The following SYN3 variants were observed in gnomAD, a reference collection of about 807,000 sequenced individuals.
SYN3 encodes the protein synapsin III.
In SYN3, 35 loss-of-function variants were observed where a neutral mutation model predicts 65.8. That is an observed-to-expected ratio of 0.53 (90% confidence interval 0.41 to 0.70). SYN3 has a LOEUF of 0.70. Ranked by LOEUF, SYN3 falls within the 30% of genes least tolerant of loss-of-function variation. The pLI is 0.00. For missense variants in SYN3, 680 were observed against 749.0 expected, an observed-to-expected ratio of 0.91 and a Z score of 1.08; for synonymous variants, 270 against 292.9, an observed-to-expected ratio of 0.92 and a Z score of 0.80.
intron 7 of SYN3, among the ~76,000 whole-genome samples, chr22:32,584,386 G>A (rs776777751): frequency 6.6e-6 from 1 of 152,108 alleles, no homozygotes; most frequent in African/African-American, 2.4e-5. Context: ...ATTGGAGTGC[G>A]GTAAATTATA....
At chr22:32,686,843 C>T (rs1293618360) in intron 6 of SYN3, among the ~76,000 whole-genome samples, 1 of 152,102 alleles carries the variant, frequency 6.6e-6, no homozygotes, top group East Asian at 1.9e-4. Flanking sequence ...GATCCGCCTG[C>T]CTCAGGATCC....
At chr22:32,645,375 C>T (rs570007902) in intron 6 of SYN3, among the ~76,000 whole-genome samples, 10 of 150,950 alleles carry the variant, frequency 6.6e-5, no homozygotes, top group Middle Eastern at 3.4e-3. Context: ...CACTTGAACC[C>T]GGGAGGCAGA....
At chr22:32,972,573 C>T (rs2052052207) in intron 3 of SYN3, among the ~76,000 whole-genome samples, 1 of 152,182 alleles carries the variant, frequency 6.6e-6, no homozygotes, top group Non-Finnish European at 1.5e-5. Flanking sequence ...CAATGGGAGG[C>T]ATTCATGCAG....
In SYN3 at chr22:32,511,782, A is replaced by C. The variant is rs1894451; in HGVS notation, c.*1910T>G. 0.22 allele frequency among the ~76,000 whole-genome samples: 34,113 copies of C among 152,170 alleles called. 4,784 individuals carry two copies. The highest frequency in any genetic ancestry group is 0.38 in the South Asian group (1,837 of 4,818). On this transcript the variant is annotated 3_prime_UTR_variant, in exon 14 of 14. Coordinates refer to ENST00000358763, the MANE Select transcript of SYN3 (RefSeq NM_003490.4). ...AGTCACTGGCAATTGGACCTATCTG[A>C]TCTTTCTTATGTCAGGTCTGCTACT... is the stretch of plus-strand genomic sequence containing the variant.
At chr22:32,923,267 G>A (rs546915054) in intron 4 of SYN3, among the ~76,000 whole-genome samples, 1 of 152,332 alleles carries the variant, frequency 6.6e-6, no homozygotes, top group East Asian at 1.9e-4. Context: ...CAGGTCAAGA[G>A]AGAGAGATTT....
intron 7 of SYN3, among the ~76,000 whole-genome samples, chr22:32,547,005 G>A (rs1360497863): frequency 2.6e-5 from 4 of 151,796 alleles, no homozygotes; most frequent in African/African-American, 9.7e-5. Flanking sequence ...TTGAGACAGA[G>A]TCTCTCTCTG....
intron 6 of SYN3, among the ~76,000 whole-genome samples, chr22:32,663,884 T>C (rs895353748): frequency 2.0e-5 from 3 of 152,088 alleles, no homozygotes; most frequent in South Asian, 2.1e-4. Flanking sequence ...AAGAGAGAGA[T>C]AGTGGAAGGA....
intron 4 of SYN3, among the ~76,000 whole-genome samples, chr22:32,877,034 T>C (rs2049003017): frequency 6.6e-6 from 1 of 152,240 alleles, no homozygotes; most frequent in African/African-American, 2.4e-5. Context: ...CAGCCATAAC[T>C]AGTCATTCCC....
chr22:32,883,084 G>T (rs935551839), intron 4 of SYN3, among the ~76,000 whole-genome samples: 1 of 152,164 alleles, frequency 6.6e-6, no homozygotes, highest in Non-Finnish European at 1.5e-5. Flanking sequence ...CAATTGCAAG[G>T]AATCTAGAAG....
intron 1 of SYN3, among the ~76,000 whole-genome samples, chr22:33,013,297 C>T (rs1248929598): frequency 6.6e-6 from 1 of 152,202 alleles, no homozygotes; most frequent in Non-Finnish European, 1.5e-5. Context: ...CATGAACATG[C>T]AGACAAACAT....
chr22:32,635,542 G>A (rs539594785), intron 6 of SYN3, among the ~76,000 whole-genome samples: 2 of 152,292 alleles, frequency 1.3e-5, no homozygotes, highest in East Asian at 3.9e-4. Flanking sequence ...GACATTCTAG[G>A]ATATTAGAGC....
intron 6 of SYN3, among the ~76,000 whole-genome samples, chr22:32,599,058 G>A (rs969464441): frequency 2.0e-5 from 3 of 151,992 alleles, no homozygotes; most frequent in Non-Finnish European, 2.9e-5. Context: ...ATTATCTGCT[G>A]CTCTTTTAAA....
chr22:32,733,054 G>T (rs2061290994), intron 6 of SYN3, among the ~76,000 whole-genome samples: 1 of 152,176 alleles, frequency 6.6e-6, no homozygotes. Flanking sequence ...CCATGCCATG[G>T]TATCTTTCAA....
intron 5 of SYN3, 95 bp from the exon 6 acceptor site, chr22:32,865,099 T>C: frequency 1.0e-6 from 1 of 995,202 alleles, no homozygotes; most frequent in Non-Finnish European, 1.6e-6. Context: ...CTGACTGTTC[T>C]GAGCCGAGCT....
Position 33,027,261 on chromosome 22 carries a change from A to C in SYN3, c.-162-20437T>G, listed in dbSNP as rs185787728. The stretch of plus-strand genomic sequence containing the variant: ...ATATTCTAATTCAGGTATTAACTAG[A>C]ATCTGTCATGTAGGTATTATCATTT... On this transcript the variant is annotated intron_variant, in intron 1 of 13. Transcript: ENST00000358763. Among the ~76,000 whole-genome samples the C allele has an allele frequency of 1.6e-4, 25 of 152,246 alleles. 1 individual carries two copies. The East Asian group carries it at 4.8e-3, about 29-fold the overall frequency.
intron 6 of SYN3, among the ~76,000 whole-genome samples, chr22:32,847,374 C>G (rs1338707187): frequency 1.3e-5 from 2 of 152,194 alleles, no homozygotes; most frequent in Non-Finnish European, 2.9e-5. Flanking sequence ...GTTTTTACAG[C>G]AGACTTGGAA....
intron 6 of SYN3, among the ~76,000 whole-genome samples, chr22:32,820,597 C>T (rs1431066734): frequency 1.3e-5 from 2 of 152,156 alleles, no homozygotes; most frequent in Non-Finnish European, 2.9e-5. Flanking sequence ...GCTTAGTTGG[C>T]ACATCTTGCT....
chr22:32,569,443 CTATCTTCTCTA>C (rs1280765665), intron 7 of SYN3, among the ~76,000 whole-genome samples: 27 of 148,436 alleles, frequency 1.8e-4, no homozygotes, highest in African/African-American at 4.6e-4. Flanking sequence ...ATCTATCTAT[CTATCTTCTCTA>C]TCTATCTAAA....
At chr22:32,879,430 G>C (rs1601608001) in intron 4 of SYN3, among the ~76,000 whole-genome samples, 1 of 152,184 alleles carries the variant, frequency 6.6e-6, no homozygotes, top group African/African-American at 2.4e-5. Flanking sequence ...AGAAGTCCAG[G>C]ACCAAGGCAT....
Sources: allele counts gnomAD v4.1 joint callset (sites outside exome capture counted in the v4.1 genomes callset), GRCh38; gene constraint gnomAD v4.1.1; transcripts MANE v1.5; gene names NCBI Gene and HGNC (gene_info 2026-07-23, HGNC 2026-07-21).